Variants in PCDH9 observed in about 807,000 individuals in gnomAD.
The protein encoded by PCDH9 is protocadherin 9.
Under a neutral mutation model 70.6 loss-of-function variants are expected in PCDH9, and 24 were observed. The observed-to-expected ratio is 0.34, with a 90% CI of 0.25 to 0.48. PCDH9 has a LOEUF of 0.48. Among genes scored for constraint, PCDH9 ranks in the 20% least tolerant of loss-of-function variants. PCDH9 has a pLI of 0.99. For missense variants in PCDH9, 1,281 were observed against 1,503.6 expected, an observed-to-expected ratio of 0.85 and a Z score of 2.45; for synonymous variants, 562 against 558.5, an observed-to-expected ratio of 1.01 and a Z score of -0.09.
intron 3 of PCDH9, among the ~76,000 whole-genome samples, chr13:66,665,151 G>A (rs1384811066): frequency 6.7e-6 from 1 of 149,602 alleles, no homozygotes; most frequent in African/African-American, 2.5e-5. Context: ...TTGTCGCCCA[G>A]GCTGGAGGGC....
intron 4 of PCDH9, among the ~76,000 whole-genome samples, chr13:66,345,339 C>A (rs1956196110): frequency 6.6e-6 from 1 of 152,106 alleles, no homozygotes; most frequent in South Asian, 2.1e-4. Flanking sequence ...TCATTTTACT[C>A]CAAAGGGCAA....
rs1188643873 is a variant in PCDH9, at chr13:66,619,925, T to A, written c.3340+11285A>T. On this transcript the variant is annotated intron_variant, in intron 4 of 4. Transcript: ENST00000377865. ...TCTAATTATCATACTTAGAATTTTA[T>A]TCACTTTCTATGTTGTCAGTTTTCA... 2.0e-5 allele frequency among the ~76,000 whole-genome samples: 3 copies of A among 152,310 alleles called. No homozygotes were observed. The East Asian group carries it at 5.8e-4, about 29-fold the overall frequency.
chr13:66,714,474 A>C (rs1018867697), intron 3 of PCDH9, among the ~76,000 whole-genome samples: 2 of 151,942 alleles, frequency 1.3e-5, no homozygotes, highest in Non-Finnish European at 1.5e-5. Context: ...AAAAAAAAAA[A>C]AACAAAAAAA....
intron 3 of PCDH9, among the ~76,000 whole-genome samples, chr13:66,641,468 G>A (rs989477261): frequency 6.6e-6 from 1 of 152,186 alleles, no homozygotes; most frequent in African/African-American, 2.4e-5. Flanking sequence ...TACACTCGCA[G>A]TGTATGGAAA....
chr13:67,067,229 C>T (rs907746083), intron 2 of PCDH9, among the ~76,000 whole-genome samples: 16 of 151,962 alleles, frequency 1.1e-4, no homozygotes, highest in East Asian at 1.9e-4. Context: ...TTGGCAAGTT[C>T]GACACTAGAA....
At chr13:67,167,051 T>A (rs1057237818) in intron 2 of PCDH9, among the ~76,000 whole-genome samples, 2 of 152,194 alleles carry the variant, frequency 1.3e-5, no homozygotes, top group Non-Finnish European at 2.9e-5. Context: ...AATCATATAT[T>A]TTATAAGAAT....
rs10611896 is a variant in PCDH9, at chr13:66,481,942, G to GCACA, written c.3340+149264_3340+149267dup. On this transcript the variant is annotated intron_variant, in intron 4 of 4. Coordinates refer to ENST00000377865, the MANE Select transcript of PCDH9 (RefSeq NM_203487.3). ...ATCATAAGTCCAAATACACATGCAC[G>GCACA]CACACACACACACACACACACACAA... Among the ~76,000 whole-genome samples the GCACA allele has an allele frequency of 3.8e-3, 564 of 148,710 alleles. 6 individuals carry two copies. The highest frequency in any genetic ancestry group is 0.013 in the African/African-American group (511 of 40,398).
chr13:66,357,275 G>A (rs532291001), intron 4 of PCDH9, among the ~76,000 whole-genome samples: 9 of 152,090 alleles, frequency 5.9e-5, no homozygotes, highest in South Asian at 2.1e-4. Flanking sequence ...ATCAGGAGGC[G>A]TGGAGAAAAC....
chr13:67,077,170 C>G (rs1199291062), intron 2 of PCDH9, among the ~76,000 whole-genome samples: 2 of 152,154 alleles, frequency 1.3e-5, no homozygotes, highest in Non-Finnish European at 2.9e-5. Context: ...ACTCCCTAAT[C>G]AAAGCTCCCA....
chr13:66,809,561 T>G (rs190968555), intron 3 of PCDH9, among the ~76,000 whole-genome samples: 1 of 152,180 alleles, frequency 6.6e-6, no homozygotes, highest in Non-Finnish European at 1.5e-5. Flanking sequence ...TTGGATAAAT[T>G]GCTGCTTAGA....
chr13:66,924,164 A>G (rs1214200471), intron 2 of PCDH9, among the ~76,000 whole-genome samples: 1 of 151,678 alleles, frequency 6.6e-6, no homozygotes, highest in Admixed American at 6.6e-5. Context: ...CTATTCCTGT[A>G]ATTTGTAAAC....
chr13:66,739,309 C>T lies in PCDH9; in HGVS notation c.3139-107898G>A, dbSNP rs1331158496. On this transcript the variant is annotated intron_variant, in intron 3 of 4. Coordinates refer to ENST00000377865, the MANE Select transcript of PCDH9 (RefSeq NM_203487.3). ...CAAATGCTGAGAGATTTTGTCACCA[C>T]CAGGCCTGCCCTAAAAGAGCTCCTG... 3.0e-4 allele frequency among the ~76,000 whole-genome samples: 37 copies of T among 123,684 alleles called. 1 individual carries two copies. The highest frequency in any genetic ancestry group is 1.0e-3 in the African/African-American group (36 of 35,782). The allele number at this position is 123,684 out of a possible 152,430, so 81.1% of individuals were successfully genotyped here.
intron 3 of PCDH9, among the ~76,000 whole-genome samples, chr13:66,770,636 T>C (rs1674960731): frequency 6.6e-6 from 1 of 152,142 alleles, no homozygotes; most frequent in Admixed American, 6.5e-5. Context: ...GTGTGAGTAA[T>C]TAAACCCAGG....
At chr13:66,401,100 A>G (rs1161756999) in intron 4 of PCDH9, among the ~76,000 whole-genome samples, 1 of 152,218 alleles carries the variant, frequency 6.6e-6, no homozygotes, top group African/African-American at 2.4e-5. Context: ...ATGCAATAGT[A>G]TGATTATGCT....
intron 3 of PCDH9, among the ~76,000 whole-genome samples, chr13:66,652,814 A>C (rs2077871576): frequency 6.6e-6 from 1 of 152,114 alleles, no homozygotes; most frequent in East Asian, 1.9e-4. Flanking sequence ...GAACAAATGG[A>C]GAAACAAAAT....
At chr13:66,785,821 G>T (rs941401996) in intron 3 of PCDH9, among the ~76,000 whole-genome samples, 2 of 150,308 alleles carry the variant, frequency 1.3e-5, no homozygotes, top group Non-Finnish European at 1.5e-5. Flanking sequence ...ACTGATTATT[G>T]TGAAGACTTT....
intron 3 of PCDH9, among the ~76,000 whole-genome samples, chr13:66,877,756 A>G (rs1369751632): frequency 6.6e-6 from 1 of 152,176 alleles, no homozygotes; most frequent in Non-Finnish European, 1.5e-5. Flanking sequence ...GAGGGAAAAA[A>G]TATTCTTCAA....
chr13:66,432,398 G>A (rs1957787875), intron 4 of PCDH9, among the ~76,000 whole-genome samples: 1 of 151,968 alleles, frequency 6.6e-6, no homozygotes, highest in Non-Finnish European at 1.5e-5. Flanking sequence ...TACTTTCAAA[G>A]TAATAATTAT....
Position 66,769,909 on chromosome 13 carries a change from G to T in PCDH9, c.3138+133595C>A, listed in dbSNP as rs537764844. 1.6e-4 allele frequency among the ~76,000 whole-genome samples: 24 copies of T among 152,008 alleles called. 1 individual carries two copies. Among genetic ancestry groups the T allele is most frequent in the Non-Finnish European group, 2.8e-4 (19 of 67,988 alleles). On this transcript the variant is annotated intron_variant, in intron 3 of 4. Transcript: ENST00000377865. The stretch of plus-strand genomic sequence containing the variant: ...GCTGGGAGATGTAGGGGCTCAGCAG[G>T]GGCAAGGCAGGAGGGGATAATTTCT...
Sources: allele counts gnomAD v4.1 joint callset (sites outside exome capture counted in the v4.1 genomes callset), GRCh38; gene constraint gnomAD v4.1.1; transcripts MANE v1.5; gene names NCBI Gene and HGNC (gene_info 2026-07-23, HGNC 2026-07-21).